The following GTF3C2 variants were observed in gnomAD, a reference collection of about 807,000 sequenced individuals.
The protein encoded by GTF3C2 is general transcription factor IIIC subunit 2.
Under a neutral mutation model 117.4 loss-of-function variants are expected in GTF3C2, and 17 were observed. The ratio of observed to expected loss-of-function variants is 0.14; its 90% CI spans 0.10 to 0.22. The LOEUF (loss-of-function observed/expected upper bound fraction) is 0.22, where lower values mean the gene tolerates loss of function less well. GTF3C2 is among the 10% of genes least tolerant of loss of function. The pLI, the probability that GTF3C2 is intolerant of heterozygous loss-of-function variation, is 1.00. For missense variants in GTF3C2, 888 were observed against 1,143.6 expected (o/e 0.78, Z 3.22); for synonymous variants, 437 against 427.0 (o/e 1.02, Z -0.29).
At chr2:27,328,713 C>T (rs966753927) in intron 15 of GTF3C2, 117 bp from the exon 16 acceptor site, 5 of 1,084,124 alleles carry the variant, frequency 4.6e-6, no homozygotes, top group Middle Eastern at 4.1e-4. Context: ...CCATAACCGA[C>T]AGCCCTGATG....
At chr2:27,327,909 A>T (rs1271536907) in intron 17 of GTF3C2, 128 bp downstream of exon 17, 1 of 681,072 alleles carries the variant, frequency 1.5e-6, no homozygotes, top group Non-Finnish European at 2.4e-6. Flanking sequence ...TACAGGCATG[A>T]GCCACTGCAC....
chr2:27,327,135 G>T (rs760166169), intron 18 of GTF3C2, 42 bp downstream of exon 18: 5 of 1,087,570 alleles, frequency 4.6e-6, no homozygotes, highest in Non-Finnish European at 7.0e-6. Context: ...GCCCAGAACT[G>T]GGGGGAAATG....
At chr2:27,343,257 C>A (rs77601976) in intron 2 of GTF3C2, 51 bp downstream of exon 2, 13 of 1,583,394 alleles carry the variant, frequency 8.2e-6, no homozygotes, top group Non-Finnish European at 1.1e-5. Flanking sequence ...TCTGCTCTTT[C>A]ATCTTAAGCT....
Position 27,326,908 on chromosome 2 carries a change from G to T in GTF3C2, c.2518-15C>A. ...CTGAAACGTACCTGTGAAGAGAACA[G>T]AAAACAAGAGAGAGATGCTCATGGG... On this transcript the variant is annotated splice_polypyrimidine_tract_variant and intron_variant, in intron 18 of 18. Transcript: ENST00000264720. 6.5e-7 allele frequency: 1 copy of T among 1,543,914 alleles called. No individual in the cohort carries two copies. Among genetic ancestry groups the T allele is most frequent in the Non-Finnish European group, 9.0e-7 (1 of 1,117,254 alleles).
chr2:27,337,729 C>CA, intron 5 of GTF3C2, 171 bp from the exon 6 acceptor site: 1 of 682,592 alleles, frequency 1.5e-6, no homozygotes, highest in South Asian at 1.7e-5. Flanking sequence ...AGCTGAGAAA[C>CA]AGAGCCTTTC....
intron 1 of GTF3C2, 193 bp downstream of exon 1, chr2:27,356,546 C>T (rs1681393775): frequency 4.8e-6 from 1 of 207,986 alleles, no homozygotes; most frequent in Non-Finnish European, 1.0e-5. Flanking sequence ...ATGGGGGGTG[C>T]ACGGTGGCCA....
At chr2:27,338,080 A>C (rs991258587) in intron 4 of GTF3C2, 60 bp from the exon 5 acceptor site, 11 of 1,001,848 alleles carry the variant, frequency 1.1e-5, no homozygotes, top group Non-Finnish European at 1.8e-5. Context: ...ACAAAGTCCC[A>C]GAGACAGCTC....
At chr2:27,337,095 T>A in intron 7 of GTF3C2, 149 bp downstream of exon 7, 1 of 624,334 alleles carries the variant, frequency 1.6e-6, no homozygotes, top group Non-Finnish European at 2.9e-6. Flanking sequence ...CAGAGAGGAC[T>A]GACCAGCTCT....
chr2:27,341,797 T>G, intron 4 of GTF3C2, 151 bp downstream of exon 4: 1 of 631,890 alleles, frequency 1.6e-6, no homozygotes, highest in Non-Finnish European at 2.8e-6. Flanking sequence ...CTCCCTAATA[T>G]GCCAAATGTT....
intron 7 of GTF3C2, chr2:27,336,649 C>T: frequency 2.0e-6 from 1 of 499,364 alleles, no homozygotes; most frequent in Non-Finnish European, 3.6e-6. Flanking sequence ...GGTCTGTCAC[C>T]CAGGATGGAG....
intron 1 of GTF3C2, chr2:27,350,211 A>G (rs1309598843): frequency 1.3e-5 from 2 of 153,540 alleles, no homozygotes; most frequent in Non-Finnish European, 2.9e-5. Context: ...GGTATTAAAC[A>G]GTTCATATCA....
At chr2:27,343,212 A>T in intron 2 of GTF3C2, 65 bp from the exon 3 acceptor site, 2 of 1,509,756 alleles carry the variant, frequency 1.3e-6, no homozygotes, top group Non-Finnish European at 9.0e-7. Flanking sequence ...AAAAGATTAC[A>T]CTGTACCCAG....
chr2:27,328,939 A>G lies in GTF3C2; in HGVS notation c.2040-8T>C, dbSNP rs756288583. 6 of 1,582,402 alleles carry G rather than the reference A, an allele frequency of 3.8e-6. No individual in the cohort carries two copies. In the East Asian group the frequency reaches 8.9e-5, roughly 24 times the overall value. ...ATCCCACAGAGTCCATAACTGTTAA[A>G]AGAGAAATAAATTTAAACCTTCCTT... On this transcript the variant is annotated splice_polypyrimidine_tract_variant and splice_region_variant and intron_variant, in intron 14 of 18. Coordinates refer to ENST00000264720, the Ensembl canonical transcript of GTF3C2.
At chr2:27,336,908 C>A in intron 7 of GTF3C2, 1 of 259,506 alleles carries the variant, frequency 3.9e-6, no homozygotes, top group Non-Finnish European at 7.3e-6. Context: ...CCACACCCGG[C>A]CTCCAAAGTC....
intron 12 of GTF3C2, among the ~76,000 whole-genome samples, chr2:27,331,577 G>A (rs1306580624): frequency 1.3e-5 from 2 of 151,846 alleles, no homozygotes; most frequent in African/African-American, 4.8e-5. Context: ...TGCCCGCCTC[G>A]GCCTTCCAAA....
chr2:27,337,693 C>G (rs1420627854), intron 5 of GTF3C2, 135 bp from the exon 6 acceptor site: 1 of 735,470 alleles, frequency 1.4e-6, no homozygotes, highest in Non-Finnish European at 2.4e-6. Flanking sequence ...CAATTAGCTA[C>G]CAAGCACCTA....
chr2:27,341,981 C>T, exon 4 of GTF3C2: 1 of 1,614,156 alleles, frequency 6.2e-7, no homozygotes. Flanking sequence ...TGCTTCGGGG[C>T]ACTACAGGCT....
At position 27,337,573 on chromosome 2, in the gene GTF3C2, G is replaced by A. The variant is rs114801581; in HGVS notation, c.951-15C>T. The A allele has an allele frequency of 3.7e-5, 58 of 1,567,800 alleles. No homozygotes were observed. The highest frequency in any genetic ancestry group is 4.7e-5 in the Non-Finnish European group (54 of 1,137,972). On this transcript the variant is annotated splice_polypyrimidine_tract_variant and intron_variant, in intron 5 of 18. Transcript: ENST00000264720. ...TCTGCTCTCGGCTGGAGAAACAGAA[G>A]AAGCATTAATGAAGGAGAGGGATTC...
rs777920689 is a variant in GTF3C2, at chr2:27,333,930, TAAG to T, written c.1602+41_1602+43del. 8.6e-6 allele frequency: 13 copies of T among 1,519,288 alleles called. No homozygotes were observed. In the South Asian group the frequency reaches 1.3e-4, roughly 16 times the overall value. The allele number at this position is 1,519,288 out of a possible 1,614,324, so 94.1% of individuals were successfully genotyped here. ...CTGTGGAATCAGCAAGGTGAGGCTCTAAGAAGATGGAGCCTCAGCTAAGGTAGC... is the reference window on the plus strand; with the variant it reads ...CTGTGGAATCAGCAAGGTGAGGCTCTAAGATGGAGCCTCAGCTAAGGTAGC... On this transcript the variant is annotated intron_variant, in intron 11 of 18. Coordinates refer to ENST00000264720, the Ensembl canonical transcript of GTF3C2.
Sources: allele counts gnomAD v4.1 joint callset (sites outside exome capture counted in the v4.1 genomes callset), GRCh38; gene constraint gnomAD v4.1.1; transcripts MANE v1.5; gene names NCBI Gene and HGNC (gene_info 2026-07-23, HGNC 2026-07-21).